RAPGEF4: variants seen among roughly 807,000 people sequenced by gnomAD.
RAPGEF4 encodes Rap guanine nucleotide exchange factor 4.
A neutral mutation model predicts 147.9 loss-of-function variants in RAPGEF4; 66 were observed. That is an observed-to-expected ratio of 0.45 (90% CI 0.37 to 0.55). The LOEUF (loss-of-function observed/expected upper bound fraction) is 0.55, where lower values mean the gene tolerates loss of function less well. Ranked by LOEUF, RAPGEF4 falls within the 20% of genes least tolerant of loss-of-function variation. The probability of loss-of-function intolerance (pLI) is 0.00; values close to 1 mark genes in which losing one functional copy is unlikely to be tolerated. For missense variants in RAPGEF4, 1,071 were observed against 1,257.3 expected (o/e 0.85, Z 2.24); for synonymous variants, 419 against 442.7 (o/e 0.95, Z 0.67).
intron 6 of RAPGEF4, among the ~76,000 whole-genome samples, chr2:172,935,201 T>C (rs1002725455): frequency 2.6e-5 from 4 of 151,866 alleles, no homozygotes; most frequent in South Asian, 2.1e-4. Context: ...AGAGAGGAAA[T>C]TGGGGGCTCA....
At chr2:172,852,053 T>G (rs953033217) in intron 4 of RAPGEF4, among the ~76,000 whole-genome samples, 1 of 152,260 alleles carries the variant, frequency 6.6e-6, no homozygotes, top group Admixed American at 6.5e-5. Context: ...TGAATATTTA[T>G]AGATCACAAC....
chr2:172,918,418 C>G (rs1336030366), intron 5 of RAPGEF4, among the ~76,000 whole-genome samples: 1 of 144,064 alleles, frequency 6.9e-6, no homozygotes, highest in Non-Finnish European at 1.5e-5. Context: ...CACAAAGTGA[C>G]TATGGAAGGT....
intron 15 of RAPGEF4, among the ~76,000 whole-genome samples, chr2:172,995,499 C>T (rs1244141200): frequency 6.6e-6 from 1 of 152,108 alleles, no homozygotes; most frequent in Non-Finnish European, 1.5e-5. Flanking sequence ...AGGCTGGTTG[C>T]GAACTTCTGA....
chr2:173,022,704 A>AC (rs1385755864), intron 23 of RAPGEF4, among the ~76,000 whole-genome samples: 2 of 152,180 alleles, frequency 1.3e-5, no homozygotes, highest in Non-Finnish European at 2.9e-5. Flanking sequence ...GAGAGATGAG[A>AC]CTAACACAAG....
At chr2:172,841,318 C>T (rs1334508468) in intron 4 of RAPGEF4, among the ~76,000 whole-genome samples, 2 of 152,180 alleles carry the variant, frequency 1.3e-5, no homozygotes, top group African/African-American at 4.8e-5. Flanking sequence ...AATCGTTATA[C>T]ATTTCAGCTC....
chr2:173,046,620 G>A (rs907793008), intron 29 of RAPGEF4, among the ~76,000 whole-genome samples: 16 of 152,290 alleles, frequency 1.1e-4, no homozygotes, highest in Non-Finnish European at 2.4e-4. Context: ...AAATTAGCAG[G>A]GAAGTTATCA....
intron 1 of RAPGEF4, among the ~76,000 whole-genome samples, chr2:172,753,291 G>A (rs1695460566): frequency 6.6e-6 from 1 of 151,406 alleles, no homozygotes; most frequent in Non-Finnish European, 1.5e-5. Flanking sequence ...AAGGGAGAGT[G>A]AACAATAATA....
chr2:172,841,723 T>C (rs1307331118), intron 4 of RAPGEF4, among the ~76,000 whole-genome samples: 4 of 151,740 alleles, frequency 2.6e-5, no homozygotes, highest in Non-Finnish European at 5.9e-5. Context: ...AAATGGCCGT[T>C]TAGGATTTAA....
intron 4 of RAPGEF4, among the ~76,000 whole-genome samples, chr2:172,817,276 A>T (rs952681239): frequency 1.3e-5 from 2 of 152,232 alleles, no homozygotes; most frequent in African/African-American, 4.8e-5. Context: ...AGAATCTCAG[A>T]GCATAATATA....
At chr2:172,912,680 T>G (rs1182677708) in intron 4 of RAPGEF4, among the ~76,000 whole-genome samples, 2 of 152,172 alleles carry the variant, frequency 1.3e-5, no homozygotes, top group African/African-American at 4.8e-5. Context: ...CTTTGTTAGC[T>G]CATCTGTGTA....
At chr2:172,902,019 G>A (rs558235789) in intron 4 of RAPGEF4, among the ~76,000 whole-genome samples, 1 of 152,156 alleles carries the variant, frequency 6.6e-6, no homozygotes, top group African/African-American at 2.4e-5. Flanking sequence ...GGAAGGCCAC[G>A]CTGAGGAGGT....
intron 1 of RAPGEF4, among the ~76,000 whole-genome samples, chr2:172,761,531 G>T (rs879705495): frequency 2.6e-5 from 4 of 152,152 alleles, no homozygotes; most frequent in Non-Finnish European, 5.9e-5. Flanking sequence ...GGAATGAAGG[G>T]GGAACCAAGC....
intron 26 of RAPGEF4, among the ~76,000 whole-genome samples, chr2:173,030,909 C>T (rs777730542): frequency 2.4e-4 from 37 of 152,174 alleles, no homozygotes; most frequent in Non-Finnish European, 4.3e-4. Context: ...TTATTATTAG[C>T]TTTGTACTCA....
rs16861229 is a variant in RAPGEF4, at chr2:173,042,871, A to G, written c.2854-5729A>G. Among the ~76,000 whole-genome samples, 161 of 152,318 alleles carry G rather than the reference A, an allele frequency of 1.1e-3. No individual in the cohort carries two copies. Among genetic ancestry groups the G allele is most frequent in the African/African-American group, 3.7e-3 (153 of 41,558 alleles). ...TTCTCCCATGGTCATCATATATACC[A>G]CATACCGTAAGCATCATGCATGTGT... On this transcript the variant is annotated intron_variant, in intron 29 of 30. Coordinates refer to ENST00000397081, the MANE Select transcript of RAPGEF4 (RefSeq NM_007023.4). This position sits in a 1 kb window ranked among gnomAD's most constrained non-coding sequence, Gnocchi z 4.2.
chr2:172,758,308 A>G (rs1299093831), intron 1 of RAPGEF4, among the ~76,000 whole-genome samples: 2 of 152,188 alleles, frequency 1.3e-5, no homozygotes, highest in African/African-American at 4.8e-5. Flanking sequence ...AGTGAGACAG[A>G]GAATGAGGGC....
intron 4 of RAPGEF4, among the ~76,000 whole-genome samples, chr2:172,902,529 T>TG (rs1007984463): frequency 3.9e-5 from 6 of 152,092 alleles, no homozygotes; most frequent in Non-Finnish European, 8.8e-5. Context: ...TCTCGATGCC[T>TG]GGATCTTTAA....
At chr2:172,759,554 G>T (rs760677521) in intron 1 of RAPGEF4, among the ~76,000 whole-genome samples, 3 of 152,184 alleles carry the variant, frequency 2.0e-5, no homozygotes, top group African/African-American at 4.8e-5. Context: ...CATGCGAGCC[G>T]CTGTGAAACT....
intron 1 of RAPGEF4, among the ~76,000 whole-genome samples, chr2:172,756,213 G>A (rs1241835483): frequency 2.0e-5 from 3 of 152,162 alleles, no homozygotes; most frequent in African/African-American, 7.2e-5. Context: ...GTCCAGTTTA[G>A]AAAGAATTTT....
chr2:172,999,339 T>C (rs1363269582), intron 16 of RAPGEF4, among the ~76,000 whole-genome samples: 2 of 152,196 alleles, frequency 1.3e-5, no homozygotes, highest in Non-Finnish European at 2.9e-5. Context: ...GCCTCCCTCC[T>C]GTCCTGGACA....
Sources: gnomAD v4.1 joint callset for allele counts (sites outside exome capture counted in the v4.1 genomes callset) on GRCh38, gnomAD v4.1.1 for gene constraint, Gnocchi (gnomAD v3.1) non-coding constraint, MANE v1.5 for transcripts, NCBI Gene and HGNC (gene_info 2026-07-23, HGNC 2026-07-21) for gene names.